Variants in INVS observed in about 807,000 individuals in gnomAD.
The protein encoded by INVS is inversin, also known as inversion of embryo turning homolog.
INVS carries 86 observed loss-of-function variants against 108.8 expected under a neutral mutation model. That is an observed-to-expected ratio of 0.79 (90% confidence interval 0.66 to 0.95). The LOEUF (loss-of-function observed/expected upper bound fraction) is 0.95, where lower values mean the gene tolerates loss of function less well. Among genes scored for constraint, INVS ranks in the 40% least tolerant of loss-of-function variants. The pLI, the probability that INVS is intolerant of heterozygous loss-of-function variation, is 0.00. For synonymous variants in INVS, 455 were observed against 473.5 expected (o/e 0.96, Z 0.51); for missense variants, 1,169 against 1,297.4 (o/e 0.90, Z 1.52).
intron 16 of INVS, chr9:100,298,433 G>C: frequency 1.6e-6 from 1 of 638,880 alleles, no homozygotes; most frequent in Non-Finnish European, 1.9e-6. Flanking sequence ...AGGCTCAGCT[G>C]TGCGTGCTTT....
chr9:100,190,018 C>T (rs1332132024), intron 3 of INVS, among the ~76,000 whole-genome samples: 1 of 151,870 alleles, frequency 6.6e-6, no homozygotes, highest in Middle Eastern at 3.2e-3. Flanking sequence ...TGTTGAAGTC[C>T]CCCACTATTA....
intron 14 of INVS, among the ~76,000 whole-genome samples, chr9:100,294,989 A>G (rs1264061421): frequency 1.3e-5 from 2 of 152,266 alleles, no homozygotes; most frequent in East Asian, 3.8e-4. Context: ...AGCAAGTGCC[A>G]GGGCTGGCTT....
chr9:100,160,561 A>G (rs1335929921), intron 3 of INVS, among the ~76,000 whole-genome samples: 1 of 152,132 alleles, frequency 6.6e-6, no homozygotes, highest in African/African-American at 2.4e-5. Context: ...CTTCACTTCC[A>G]TAAGGCTGAC....
intron 5 of INVS, among the ~76,000 whole-genome samples, chr9:100,233,185 T>C (rs1450435102): frequency 6.6e-6 from 1 of 152,134 alleles, no homozygotes; most frequent in Non-Finnish European, 1.5e-5. Flanking sequence ...CTGTTTTTGG[T>C]GTATAGGAAT....
intron 3 of INVS, chr9:100,175,293 A>T (rs964287741): frequency 2.9e-6 from 2 of 691,406 alleles, no homozygotes; most frequent in African/African-American, 3.5e-5. Flanking sequence ...CCATCCTTGC[A>T]TATATCTTCT....
chr9:100,252,816 G>T (rs916710903), intron 9 of INVS, 91 bp from the exon 10 acceptor site: 14 of 849,484 alleles, frequency 1.6e-5, no homozygotes, highest in Admixed American at 1.4e-4. Flanking sequence ...TTTAATAAAT[G>T]CATTTAAGGA....
At chr9:100,204,540 A>T (rs1021859061) in intron 3 of INVS, among the ~76,000 whole-genome samples, 34 of 152,156 alleles carry the variant, frequency 2.2e-4, no homozygotes, top group Non-Finnish European at 1.5e-5. Flanking sequence ...AGGCATCTGA[A>T]AGGGGAATTT....
In INVS at chr9:100,188,256, G is replaced by A. The variant is rs917098260; in HGVS notation, c.274-37806G>A. ...AAGTGGGCATCCTTGTCTTGTTCCG[G>A]TTCTTCCAGGGAATGCTTTCTAATT... On this transcript the variant is annotated intron_variant, in intron 3 of 16. Coordinates refer to ENST00000262457, the MANE Select transcript of INVS (RefSeq NM_014425.5). Among the ~76,000 whole-genome samples the A allele has an allele frequency of 3.3e-5, 5 of 152,222 alleles. No homozygotes were observed. In the East Asian group the frequency reaches 9.7e-4, roughly 29 times the overall value.
intron 3 of INVS, among the ~76,000 whole-genome samples, chr9:100,221,685 T>TG (rs1225591485): frequency 2.6e-5 from 4 of 151,390 alleles, no homozygotes; most frequent in Non-Finnish European, 5.9e-5. Flanking sequence ...TCTTTCTCAG[T>TG]GAAAAAAAAA....
chr9:100,272,851 C>T lies in INVS; in HGVS notation c.1572-13C>T. On this transcript the variant is annotated splice_polypyrimidine_tract_variant and intron_variant, in intron 11 of 16. Transcript: ENST00000262457. ...TAAAATTAAAAAAAAAAGAAATCTT[C>T]CTCCCACTTCAGATACACACCCCTT... 1 of 1,606,842 alleles carries T rather than the reference C, an allele frequency of 6.2e-7. No homozygotes were observed. The highest frequency in any genetic ancestry group is 8.5e-7 in the Non-Finnish European group (1 of 1,173,624).
chr9:100,125,091 G>A lies in INVS; in HGVS notation c.107-1292G>A, dbSNP rs1827842967. On this transcript the variant is annotated intron_variant, in intron 2 of 16. Coordinates refer to ENST00000262457, the MANE Select transcript of INVS (RefSeq NM_014425.5). Reference sequence around the variant, plus strand: ...TTCTGACCAGTTTCACACATGGGCTGCTCAAAAGTGTCCTGACTTTTTGTA... The same window carrying A: ...TTCTGACCAGTTTCACACATGGGCTACTCAAAAGTGTCCTGACTTTTTGTA... 2.0e-5 allele frequency among the ~76,000 whole-genome samples: 3 copies of A among 152,178 alleles called. No homozygotes were observed. In the South Asian group the frequency reaches 6.2e-4, roughly 32 times the overall value.
intron 3 of INVS, among the ~76,000 whole-genome samples, chr9:100,176,251 C>CT (rs1156818568): frequency 2.0e-5 from 3 of 151,962 alleles, no homozygotes; most frequent in Non-Finnish European, 1.5e-5. Flanking sequence ...AGAGAGTTTT[C>CT]TTTTTTTCCT....
intron 3 of INVS, among the ~76,000 whole-genome samples, chr9:100,193,116 T>C (rs1564152685): frequency 6.6e-6 from 1 of 152,044 alleles, no homozygotes; most frequent in Non-Finnish European, 1.5e-5. Flanking sequence ...TAGCTGGTAC[T>C]ACAGGCATGT....
chr9:100,300,512 C>G, intron 16 of INVS, 56 bp from the exon 17 acceptor site: 1 of 1,185,036 alleles, frequency 8.4e-7, no homozygotes, highest in Non-Finnish European at 1.3e-6. Context: ...ATGAACTATT[C>G]CCTTCAGCCT....
rs1488540603 is a variant in INVS, at chr9:100,301,601, C to T, written c.*927C>T. Among the ~76,000 whole-genome samples the T allele has an allele frequency of 6.6e-6, 1 of 152,144 alleles. No homozygotes were observed. The highest frequency in any genetic ancestry group is 1.5e-5 in the Non-Finnish European group (1 of 68,034). On this transcript the variant is annotated 3_prime_UTR_variant, in exon 17 of 17. Coordinates refer to ENST00000262457, the MANE Select transcript of INVS (RefSeq NM_014425.5). The stretch of plus-strand genomic sequence containing the variant: ...AAGAACACCTGGTTTAAATAAAATC[C>T]AGTGATGATGGGCTCTTTCACATTG...
intron 1 of INVS, among the ~76,000 whole-genome samples, chr9:100,100,461 T>C (rs1052479018): frequency 4.8e-5 from 7 of 147,318 alleles, no homozygotes; most frequent in African/African-American, 1.8e-4. Context: ...TCCTGCTCAC[T>C]TTTTGGACTT....
In INVS at chr9:100,272,781, C is replaced by A. The variant is rs1469962939; in HGVS notation, c.1572-83C>A. The A allele has an allele frequency of 4.7e-6, 6 of 1,263,322 alleles. No homozygotes were observed. The Middle Eastern group carries it at 5.6e-4, about 119-fold the overall frequency. The allele number at this position is 1,263,322 out of a possible 1,614,324, so 78.3% of individuals were successfully genotyped here. Reference sequence around the variant, plus strand: ...CATCTTAGAATGAAGTTTCCTTCTGCTGCATAATAATATTTTCAGTTTAAC... The same window carrying A: ...CATCTTAGAATGAAGTTTCCTTCTGATGCATAATAATATTTTCAGTTTAAC... On this transcript the variant is annotated intron_variant, in intron 11 of 16. Coordinates refer to ENST00000262457, the MANE Select transcript of INVS (RefSeq NM_014425.5).
intron 3 of INVS, among the ~76,000 whole-genome samples, chr9:100,135,394 G>T (rs1316679326): frequency 6.6e-6 from 1 of 152,184 alleles, no homozygotes; most frequent in Non-Finnish European, 1.5e-5. Context: ...TTAAAACATA[G>T]ACGTCTGGGC....
At chr9:100,134,426 G>A (rs978002888) in intron 3 of INVS, among the ~76,000 whole-genome samples, 1 of 152,066 alleles carries the variant, frequency 6.6e-6, no homozygotes, top group African/African-American at 2.4e-5. Context: ...TATCTTTTTC[G>A]TATGATGACT....
Sources: allele counts gnomAD v4.1 joint callset (sites outside exome capture counted in the v4.1 genomes callset), GRCh38; gene constraint gnomAD v4.1.1; transcripts MANE v1.5; gene names NCBI Gene and HGNC (gene_info 2026-07-23, HGNC 2026-07-21).